PIP4K2B: variants seen among roughly 807,000 people sequenced by gnomAD.
PIP4K2B encodes the protein phosphatidylinositol 5-phosphate 4-kinase type-2 beta.
In PIP4K2B, 3 loss-of-function variants were observed where a neutral mutation model predicts 42.0. The ratio of observed to expected loss-of-function variants is 0.07; its 90% CI spans 0.03 to 0.18. The LOEUF is 0.18. Ranked by LOEUF, PIP4K2B falls within the 10% of genes least tolerant of loss-of-function variation. The probability of loss-of-function intolerance (pLI) is 1.00; values close to 1 mark genes in which losing one functional copy is unlikely to be tolerated. For missense variants in PIP4K2B, 332 were observed against 562.3 expected (o/e 0.59, Z 4.14); for synonymous variants, 204 against 210.1 (o/e 0.97, Z 0.25).
intron 4 of PIP4K2B, among the ~76,000 whole-genome samples, chr17:38,780,155 G>C (rs1361700830): frequency 6.6e-6 from 1 of 152,214 alleles, no homozygotes; most frequent in Non-Finnish European, 1.5e-5. Context: ...GACGGGAAAA[G>C]AAACAAGCCT....
chr17:38,786,143 T>C (rs16968377), intron 2 of PIP4K2B, among the ~76,000 whole-genome samples: 9,536 of 152,180 alleles, frequency 0.063, 396 homozygotes, highest in South Asian at 0.22. Context: ...CAATGAAGAA[T>C]AGAACCAGGA....
rs761011610 is a variant in PIP4K2B, at chr17:38,779,446, G to A, written c.591C>T (p.Tyr197=). Residue 197 remains tyrosine (Y), a synonymous_variant, in exon 5 of 10, where the codon TAC becomes TAT. Transcript: ENST00000619039. Reference sequence around the variant, plus strand: ...TGAACACGTTCCTGGTAACCACCATGTAGGTTTCCACACCATCCACGGTCA... The same window carrying A: ...TGAACACGTTCCTGGTAACCACCATATAGGTTTCCACACCATCCACGGTCA... ...YRLTVDGVET[Y]MVVTRNVFSH... The A allele has an allele frequency of 2.5e-6, 4 of 1,614,020 alleles. No individual in the cohort carries two copies. The South Asian group carries it at 4.4e-5, about 18-fold the overall frequency.
At chr17:38,797,133 TAA>T (rs998954710) in intron 1 of PIP4K2B, among the ~76,000 whole-genome samples, 2 of 152,202 alleles carry the variant, frequency 1.3e-5, no homozygotes, top group Admixed American at 1.3e-4. Context: ...GGATCTTGCT[TAA>T]AGTCAATGCC....
At chr17:38,785,830 G>C (rs1909979368) in intron 2 of PIP4K2B, among the ~76,000 whole-genome samples, 1 of 152,196 alleles carries the variant, frequency 6.6e-6, no homozygotes, top group Non-Finnish European at 1.5e-5. Context: ...ACCCTGAAGG[G>C]GGTAGTGGTG....
rs111394547 is a variant in PIP4K2B at position 38,779,484 on chromosome 17, C to A, written c.553G>T (p.Gly185Cys). 1 of 1,614,074 alleles carries A rather than the reference C, an allele frequency of 6.2e-7. No individual in the cohort carries two copies. Among genetic ancestry groups the A allele is most frequent in the Non-Finnish European group, 8.5e-7 (1 of 1,179,924 alleles). ...HGNTLLPQFL[G>C]MYRLTVDGVE... ...CCATCCACGGTCAGGCGGTACATGC[C>A]CAGGAACTGTGGCAAAAGCGTGTTG... The change falls in exon 5 of 10, where the codon GGC becomes TGC. Residue 185 changes from glycine (G) to cysteine (C), a missense_variant. By Grantham distance (159) the Gly-to-Cys change is radical (BLOSUM62 -3). This residue lies in a region of PIP4K2B where 186 missense variants were observed against 288.4 expected (regional missense o/e 0.64). Coordinates refer to ENST00000619039, the MANE Select transcript of PIP4K2B (RefSeq NM_003559.5).
chr17:38,788,885 A>AT (rs35852733), intron 1 of PIP4K2B, among the ~76,000 whole-genome samples: 64,407 of 151,214 alleles, frequency 0.43, 15,953 homozygotes, highest in Middle Eastern at 0.59. Flanking sequence ...CCCAGGAGGC[A>AT]TAAGGTATAG....
At chr17:38,789,295 G>T (rs1910215805) in intron 1 of PIP4K2B, among the ~76,000 whole-genome samples, 1 of 152,210 alleles carries the variant, frequency 6.6e-6, no homozygotes, top group East Asian at 1.9e-4. Flanking sequence ...GTGCAGAGAT[G>T]AGGGCAGATC....
intron 6 of PIP4K2B, 147 bp downstream of exon 6, chr17:38,778,187 G>A (rs1909474369): frequency 1.3e-6 from 1 of 787,020 alleles, no homozygotes; most frequent in South Asian, 1.4e-5. Flanking sequence ...GGACAGACAG[G>A]TGATTCATGA....
chr17:38,793,531 A>T (rs1910455555), intron 1 of PIP4K2B, among the ~76,000 whole-genome samples: 2 of 152,258 alleles, frequency 1.3e-5, no homozygotes, highest in Middle Eastern at 3.4e-3. Flanking sequence ...GGCGTGAGCC[A>T]CCATGCCAGG....
At chr17:38,778,260 G>A (rs1013905936) in intron 6 of PIP4K2B, 74 bp downstream of exon 6, 98 of 1,379,992 alleles carry the variant, frequency 7.1e-5, no homozygotes, top group Middle Eastern at 5.3e-4. Context: ...TGGGGTGGGC[G>A]AGGGACAGGA....
At chr17:38,785,169 G>A (rs552949849) in intron 2 of PIP4K2B, among the ~76,000 whole-genome samples, 1 of 152,296 alleles carries the variant, frequency 6.6e-6, no homozygotes, top group African/African-American at 2.4e-5. Flanking sequence ...CAGGAGGAAA[G>A]AGAATCACCT....
chr17:38,782,391 G>C (rs564341491), intron 3 of PIP4K2B, among the ~76,000 whole-genome samples: 170 of 152,370 alleles, frequency 1.1e-3, no homozygotes, highest in African/African-American at 3.9e-3. Flanking sequence ...GACACTGAGA[G>C]GATGTGGTTA....
chr17:38,778,917 G>T (rs116098418), intron 5 of PIP4K2B, among the ~76,000 whole-genome samples: 1 of 152,160 alleles, frequency 6.6e-6, no homozygotes, highest in Admixed American at 6.5e-5. Context: ...GGCACTGCAG[G>T]AACACAGAGG....
intron 7 of PIP4K2B, among the ~76,000 whole-genome samples, chr17:38,775,832 T>TG (rs1909308299): frequency 6.6e-6 from 1 of 151,826 alleles, no homozygotes; most frequent in Admixed American, 6.6e-5. Flanking sequence ...CACTCCAGCC[T>TG]GGCAACAGAG....
At chr17:38,775,624 G>A (rs976073697) in intron 7 of PIP4K2B, among the ~76,000 whole-genome samples, 2 of 152,070 alleles carry the variant, frequency 1.3e-5, no homozygotes, top group East Asian at 2.0e-4. Context: ...CTGGGAGGCC[G>A]AGGCAGGCAG....
chr17:38,797,219 G>C (rs907841772), intron 1 of PIP4K2B, among the ~76,000 whole-genome samples: 3 of 152,126 alleles, frequency 2.0e-5, no homozygotes, highest in African/African-American at 7.2e-5. Context: ...TTGTCCAACA[G>C]AGTAGGACTC....
At chr17:38,798,213 C>T (rs1284527080) in intron 1 of PIP4K2B, among the ~76,000 whole-genome samples, 1 of 152,190 alleles carries the variant, frequency 6.6e-6, no homozygotes, top group Non-Finnish European at 1.5e-5. Context: ...CAAGCTTGAT[C>T]CTCCTTATTC....
chr17:38,799,213 G>A lies in PIP4K2B; in HGVS notation c.159+53C>T. On this transcript the variant is annotated intron_variant, in intron 1 of 9. Coordinates refer to ENST00000619039, the MANE Select transcript of PIP4K2B (RefSeq NM_003559.5). This position sits in a 1 kb window ranked among gnomAD's most constrained non-coding sequence, Gnocchi z 4.4. ...CGGGGCAAGGGCCCAGGGCTGCAGG[G>A]GGCGTGGGAGCGCGCGGGGCCGCGC... The A allele has an allele frequency of 3.3e-6, 5 of 1,524,084 alleles. No individual in the cohort carries two copies. The highest frequency in any genetic ancestry group is 4.4e-6 in the Non-Finnish European group (5 of 1,142,102). 94.4% of individuals were successfully genotyped at this position (1,524,084 alleles called of 1,614,324 possible).
rs2143302356 is a variant in PIP4K2B at position 38,769,384 on chromosome 17, T to C, written c.*307A>G. The C allele has an allele frequency of 2.9e-6, 1 of 348,864 alleles. No individual in the cohort carries two copies. Among genetic ancestry groups the C allele is most frequent in the Non-Finnish European group, 5.2e-6 (1 of 192,798 alleles). 21.6% of individuals were successfully genotyped at this position (348,864 alleles called of 1,614,324 possible). On this transcript the variant is annotated 3_prime_UTR_variant, in exon 10 of 10. Coordinates refer to ENST00000619039, the MANE Select transcript of PIP4K2B (RefSeq NM_003559.5). The stretch of plus-strand genomic sequence containing the variant: ...CACGAAGTCATCTCTAGCCCCAAGG[T>C]ATCTTAAAAGGTTACAAGGTACCAA...
Sources: gnomAD v4.1 joint callset for allele counts (sites outside exome capture counted in the v4.1 genomes callset) on GRCh38, gnomAD v4.1.1 for gene constraint, gnomAD v4.1.1 regional missense constraint, Gnocchi (gnomAD v3.1) non-coding constraint, MANE v1.5 for transcripts, NCBI Gene and HGNC (gene_info 2026-07-23, HGNC 2026-07-21) for gene names.